PTPN13: variants seen among roughly 807,000 people sequenced by gnomAD.
The protein encoded by PTPN13 is tyrosine-protein phosphatase non-receptor type 13.
In PTPN13, 191 loss-of-function variants were observed where a neutral mutation model predicts 284.0. The observed-to-expected ratio is 0.67, with a 90% CI of 0.60 to 0.76. The LOEUF is 0.76. Ranked by LOEUF, PTPN13 falls within the 30% of genes least tolerant of loss-of-function variation. The probability of loss-of-function intolerance (pLI) is 0.00; values close to 1 mark genes in which losing one functional copy is unlikely to be tolerated. For missense variants in PTPN13, 2,797 were observed against 2,939.9 expected, an observed-to-expected ratio of 0.95 and a Z score of 1.12; for synonymous variants, 986 against 1,022.3, an observed-to-expected ratio of 0.96 and a Z score of 0.68.
At chr4:86,643,590 T>G (rs1724072600) in intron 2 of PTPN13, among the ~76,000 whole-genome samples, 2 of 152,130 alleles carry the variant, frequency 1.3e-5, no homozygotes, top group Non-Finnish European at 2.9e-5. Context: ...TACAATTACT[T>G]TTATTGCATA....
intron 1 of PTPN13, among the ~76,000 whole-genome samples, chr4:86,596,341 G>A (rs1763795189): frequency 6.6e-6 from 1 of 152,142 alleles, no homozygotes; most frequent in African/African-American, 2.4e-5. Flanking sequence ...GTAAAGCCTA[G>A]TTATATTTTG....
Position 86,767,951 on chromosome 4 carries a change from C to G in PTPN13, c.4464C>G (p.Val1488=). The change falls in exon 28 of 48, where the codon GTC becomes GTG. Residue 1488 remains valine, a synonymous_variant. Transcript: ENST00000411767. Reference sequence around the variant, plus strand: ...AAAAAGTGAAGAAAACAACTCAGGTCAAAGACTACAGCTTTGTCACTGAAG... The same window carrying G: ...AAAAAGTGAAGAAAACAACTCAGGTGAAAGACTACAGCTTTGTCACTGAAG... The part of the protein sequence containing the change: ...GPEKVKKTTQ[V]KDYSFVTEEN... 2.5e-6 allele frequency: 4 copies of G among 1,611,638 alleles called. No homozygotes were observed. The highest frequency in any genetic ancestry group is 3.4e-6 in the Non-Finnish European group (4 of 1,178,982).
intron 2 of PTPN13, among the ~76,000 whole-genome samples, chr4:86,648,847 A>C (rs1278471205): frequency 6.6e-6 from 1 of 152,158 alleles, no homozygotes; most frequent in Non-Finnish European, 1.5e-5. Context: ...ATTCCCACCA[A>C]CAGTATACAA....
chr4:86,682,684 A>C (rs1029305107), intron 3 of PTPN13, among the ~76,000 whole-genome samples: 1 of 152,140 alleles, frequency 6.6e-6, no homozygotes, highest in African/African-American at 2.4e-5. Context: ...CAGATGAACT[A>C]AGCACTGTCA....
At chr4:86,762,262 TG>T (rs1444425838) in intron 23 of PTPN13, among the ~76,000 whole-genome samples, 1 of 152,218 alleles carries the variant, frequency 6.6e-6, no homozygotes, top group Non-Finnish European at 1.5e-5. Context: ...ATTACAGGCA[TG>T]AGCCACTGCG....
chr4:86,769,680 ATG>A (rs749672076), intron 28 of PTPN13, 87 bp from the exon 29 acceptor site: 2 of 860,606 alleles, frequency 2.3e-6, no homozygotes, highest in Non-Finnish European at 3.5e-6. Flanking sequence ...GGCTTTTAAA[ATG>A]TGTCTAGAAG....
chr4:86,771,479 T>C lies in PTPN13; in HGVS notation c.5112T>C (p.Ile1704=). 6.4e-7 allele frequency: 1 copy of C among 1,567,008 alleles called. No individual in the cohort carries two copies. The highest frequency in any genetic ancestry group is 8.7e-7 in the Non-Finnish European group (1 of 1,153,882). ...CACCCAAGAGTCAAGAAGATACCAT[T>C]TGTACCATGTTTTACTATCCTCAGA... ...HEAPKSQEDT[I]CTMFYYPQKI... Residue 1704 remains isoleucine (I), a synonymous_variant, in exon 31 of 48, where the codon ATT becomes ATC. Transcript: ENST00000411767.
chr4:86,730,590 C>T (rs998290010), intron 10 of PTPN13, among the ~76,000 whole-genome samples: 4 of 149,954 alleles, frequency 2.7e-5, no homozygotes, highest in Non-Finnish European at 3.0e-5. Flanking sequence ...AGCAAGGCTT[C>T]GTGGGTGTGG....
At chr4:86,687,819 T>A (rs1729604632) in intron 4 of PTPN13, among the ~76,000 whole-genome samples, 1 of 152,040 alleles carries the variant, frequency 6.6e-6, no homozygotes, top group Non-Finnish European at 1.5e-5. Flanking sequence ...AAAGTCAATA[T>A]CAAATATAAA....
intron 1 of PTPN13, among the ~76,000 whole-genome samples, chr4:86,632,195 C>T (rs542519530): frequency 3.3e-5 from 5 of 152,100 alleles, no homozygotes; most frequent in African/African-American, 1.2e-4. Context: ...ATTAATCAAC[C>T]TTTCAATGTC....
chr4:86,732,449 CT>C lies in PTPN13; in HGVS notation c.1661del (p.Leu554TrpfsTer21). 6.2e-7 allele frequency: 1 copy of C among 1,602,204 alleles called. No homozygotes were observed. Among genetic ancestry groups the C allele is most frequent in the East Asian group, 2.2e-5 (1 of 44,530 alleles). On this transcript the variant is annotated frameshift_variant, in exon 11 of 48. Transcript: ENST00000411767. LOFTEE classifies it high-confidence loss of function. ...AAAATGACAATTGAACCATTTATAT[CT>C]TTGGATTTGCCACGGTCTATTCTTG... ...FVKMTIEPFI[S>X]LDLPRSILTK...
At position 86,771,275 on chromosome 4, in the gene PTPN13, A is replaced by G; in HGVS notation, c.4908A>G (p.Ser1636=). 2.5e-6 allele frequency: 4 copies of G among 1,607,134 alleles called. No individual in the cohort carries two copies. Among genetic ancestry groups the G allele is most frequent in the Non-Finnish European group, 3.4e-6 (4 of 1,176,622 alleles). ...QSTSSDENEM[S]DKSKKQCKSP... ...CCAGCTCAGATGAAAATGAAATGTCAGACAAAAGCAAAAAACAGTGCAAGT... is the reference window on the plus strand; with the variant it reads ...CCAGCTCAGATGAAAATGAAATGTCGGACAAAAGCAAAAAACAGTGCAAGT... The change falls in exon 31 of 48, where the codon TCA becomes TCG. Residue 1636 remains serine (S), a synonymous_variant. Coordinates refer to ENST00000411767, the MANE Select transcript of PTPN13 (RefSeq NM_080683.3).
intron 43 of PTPN13, 54 bp from the exon 44 acceptor site, chr4:86,805,225 T>A: frequency 1.7e-6 from 2 of 1,195,748 alleles, no homozygotes; most frequent in Non-Finnish European, 2.4e-6. Context: ...TATTTGAAGT[T>A]ATTACTGAAT....
rs574487634 is a variant in PTPN13 at position 86,659,841 on chromosome 4, G to GA, written c.116-12512dup. ...TCAAACTACAACCACAACAACAACA[G>GA]AAAAAAAAAAAAGAAAAAAACTTAA... On this transcript the variant is annotated intron_variant, in intron 2 of 47. Transcript: ENST00000411767. Among the ~76,000 whole-genome samples the GA allele has an allele frequency of 6.4e-3, 799 of 125,156 alleles. 5 individuals carry two copies. Among genetic ancestry groups the GA allele is most frequent in the African/African-American group, 0.019 (654 of 34,136 alleles). The allele number at this position is 125,156 out of a possible 152,430, so 82.1% of individuals were successfully genotyped here. A position where few individuals can be genotyped will look rare whatever the true frequency, so the allele number is the denominator to read the frequency against.
intron 32 of PTPN13, among the ~76,000 whole-genome samples, chr4:86,773,292 T>C (rs571836931): frequency 3.5e-4 from 54 of 152,296 alleles, no homozygotes; most frequent in Non-Finnish European, 6.6e-4. Flanking sequence ...AAATAACATA[T>C]GTAAAGCACG....
At chr4:86,689,788 T>C in intron 5 of PTPN13, 1 of 701,308 alleles carries the variant, frequency 1.4e-6, no homozygotes, top group South Asian at 1.5e-5. Flanking sequence ...TGCTATATAT[T>C]ACCTGAAAGT....
intron 1 of PTPN13, among the ~76,000 whole-genome samples, chr4:86,610,005 T>C (rs545424597): frequency 5.9e-5 from 9 of 152,228 alleles, no homozygotes; most frequent in Non-Finnish European, 1.2e-4. Flanking sequence ...TTAGTCTTAT[T>C]ATGTACCTAA....
chr4:86,812,042 G>A (rs934969621), intron 47 of PTPN13, among the ~76,000 whole-genome samples: 2 of 152,108 alleles, frequency 1.3e-5, no homozygotes, highest in Non-Finnish European at 2.9e-5. Context: ...CGGGCGCGGT[G>A]GCTCACGCCT....
chr4:86,716,895 T>A, intron 8 of PTPN13, 129 bp from the exon 9 acceptor site: 2 of 660,912 alleles, frequency 3.0e-6, no homozygotes, highest in Non-Finnish European at 5.1e-6. Context: ...TTAATAACAT[T>A]ATGTCATTAA....
Sources: allele counts gnomAD v4.1 joint callset (sites outside exome capture counted in the v4.1 genomes callset), GRCh38; gene constraint gnomAD v4.1.1; transcripts MANE v1.5; gene names NCBI Gene and HGNC (gene_info 2026-07-23, HGNC 2026-07-21).